LRRC4C: variants seen among roughly 807,000 people sequenced by gnomAD.
LRRC4C encodes leucine rich repeat containing 4C.
A neutral mutation model predicts 33.6 loss-of-function variants in LRRC4C; 5 were observed. The observed-to-expected ratio is 0.15, with a 90% confidence interval of 0.08 to 0.31. The LOEUF (loss-of-function observed/expected upper bound fraction) is 0.31. LRRC4C is among the 10% of genes least tolerant of loss of function. LRRC4C has a pLI of 1.00. For missense variants in LRRC4C, 560 were observed against 796.7 expected, an observed-to-expected ratio of 0.70 and a Z score of 3.58; for synonymous variants, 329 against 302.0, an observed-to-expected ratio of 1.09 and a Z score of -0.93.
At chr11:41,095,836 CAT>C (rs1453537590) in intron 1 of LRRC4C, among the ~76,000 whole-genome samples, 3 of 152,132 alleles carry the variant, frequency 2.0e-5, no homozygotes, top group South Asian at 2.1e-4. Context: ...CTGTCTGACT[CAT>C]GTGTGAGTTT....
chr11:40,458,431 T>C (rs1259770865), intron 3 of LRRC4C, among the ~76,000 whole-genome samples: 1 of 152,202 alleles, frequency 6.6e-6, no homozygotes, highest in Non-Finnish European at 1.5e-5. Context: ...GACCATCAAG[T>C]AATTCATAAT....
chr11:41,397,756 C>G (rs1178632097), intron 1 of LRRC4C, among the ~76,000 whole-genome samples: 1 of 151,268 alleles, frequency 6.6e-6, no homozygotes, highest in Non-Finnish European at 1.5e-5. Context: ...TTCTAGGGCT[C>G]TTATAAAACT....
chr11:40,610,520 G>C (rs1961104186), intron 3 of LRRC4C, among the ~76,000 whole-genome samples: 1 of 151,442 alleles, frequency 6.6e-6, no homozygotes, highest in African/African-American at 2.4e-5. Context: ...GGGAGTTCTA[G>C]CTAGAGTAAT....
chr11:41,318,034 A>G (rs779846941), intron 1 of LRRC4C, among the ~76,000 whole-genome samples: 14 of 152,218 alleles, frequency 9.2e-5, no homozygotes, highest in Non-Finnish European at 1.6e-4. Flanking sequence ...ACAGAATACA[A>G]TAGAAATATG....
chr11:40,513,574 GC>G (rs1273084597), intron 3 of LRRC4C, among the ~76,000 whole-genome samples: 1 of 152,142 alleles, frequency 6.6e-6, no homozygotes, highest in African/African-American at 2.4e-5. Flanking sequence ...GCAATGGGAA[GC>G]CACTGAAAGC....
chr11:40,119,361 T>C (rs1855662045), intron 6 of LRRC4C, among the ~76,000 whole-genome samples: 1 of 152,106 alleles, frequency 6.6e-6, no homozygotes. Flanking sequence ...TGAGTTACTA[T>C]TTTTTTCCCC....
chr11:41,116,351 T>G (rs1942123527), intron 1 of LRRC4C, among the ~76,000 whole-genome samples: 1 of 152,124 alleles, frequency 6.6e-6, no homozygotes, highest in Non-Finnish European at 1.5e-5. Flanking sequence ...TATATAGCAT[T>G]TAACAAAGCC....
At chr11:40,504,967 C>A (rs1412521363) in intron 3 of LRRC4C, among the ~76,000 whole-genome samples, 3 of 152,244 alleles carry the variant, frequency 2.0e-5, no homozygotes, top group South Asian at 2.1e-4. Flanking sequence ...TTAAAAAATT[C>A]TTAGACAGAG....
chr11:40,255,412 C>T (rs574100188), intron 4 of LRRC4C, among the ~76,000 whole-genome samples: 3 of 152,146 alleles, frequency 2.0e-5, no homozygotes, highest in Non-Finnish European at 2.9e-5. Flanking sequence ...TGCTCCAAAG[C>T]GTCAATACAG....
intron 3 of LRRC4C, among the ~76,000 whole-genome samples, chr11:40,533,407 C>A (rs1956347994): frequency 6.6e-6 from 1 of 152,026 alleles, no homozygotes; most frequent in Non-Finnish European, 1.5e-5. Context: ...GGCAGCAACG[C>A]CAATACGTCA....
intron 3 of LRRC4C, among the ~76,000 whole-genome samples, chr11:40,616,082 A>G (rs998956847): frequency 2.6e-5 from 4 of 152,068 alleles, no homozygotes; most frequent in African/African-American, 9.7e-5. Context: ...AAACAACCCC[A>G]TCAAAAAGTG....
At chr11:40,294,992 G>A (rs1317745402) in intron 4 of LRRC4C, among the ~76,000 whole-genome samples, 1 of 152,188 alleles carries the variant, frequency 6.6e-6, no homozygotes, top group African/African-American at 2.4e-5. Context: ...CCTATGCAGT[G>A]TTGCAGTAAA....
chr11:40,744,543 T>C (rs948437211), intron 2 of LRRC4C, among the ~76,000 whole-genome samples: 2 of 152,132 alleles, frequency 1.3e-5, no homozygotes, highest in African/African-American at 2.4e-5. Context: ...CTGCCTCAAC[T>C]GGCCTTTGAA....
chr11:41,221,851 C>T (rs2136390871), intron 1 of LRRC4C, among the ~76,000 whole-genome samples: 1 of 152,280 alleles, frequency 6.6e-6, no homozygotes. Context: ...TTAGAATCTC[C>T]TATAAATACC....
intron 1 of LRRC4C, among the ~76,000 whole-genome samples, chr11:41,106,836 C>T (rs1368726266): frequency 1.3e-5 from 2 of 151,498 alleles, no homozygotes; most frequent in African/African-American, 2.4e-5. Flanking sequence ...AGCAAGATGG[C>T]GAGACCCTAC....
chr11:41,373,344 A>G (rs958956135), intron 1 of LRRC4C, among the ~76,000 whole-genome samples: 1 of 152,180 alleles, frequency 6.6e-6, no homozygotes, highest in Non-Finnish European at 1.5e-5. Context: ...ATTTATGCAC[A>G]TATATTTCTT....
chr11:41,007,869 C>T (rs370703907), intron 1 of LRRC4C, among the ~76,000 whole-genome samples: 15 of 152,090 alleles, frequency 9.9e-5, no homozygotes, highest in South Asian at 8.3e-4. Context: ...AGTGTCTGTC[C>T]GCCTACTTCC....
chr11:41,093,599 G>A (rs1468409321), intron 1 of LRRC4C, among the ~76,000 whole-genome samples: 1 of 151,630 alleles, frequency 6.6e-6, no homozygotes. Context: ...CCTTTGAACA[G>A]CGTGCCATAC....
At chr11:40,660,764 T>C (rs926176212) in intron 2 of LRRC4C, among the ~76,000 whole-genome samples, 1 of 152,224 alleles carries the variant, frequency 6.6e-6, no homozygotes, top group Non-Finnish European at 1.5e-5. Context: ...TTTGATAGTT[T>C]TGTGCCCATT....
Sources: gnomAD v4.1 joint callset for allele counts (sites outside exome capture counted in the v4.1 genomes callset) on GRCh38, gnomAD v4.1.1 for gene constraint, MANE v1.5 for transcripts, NCBI Gene and HGNC (gene_info 2026-07-23, HGNC 2026-07-21) for gene names.